Variants in TMEM156 observed in about 807,000 individuals in gnomAD.
TMEM156 encodes the protein transmembrane protein 156.
In TMEM156, 28 loss-of-function variants were observed where a neutral mutation model predicts 30.5. That is an observed-to-expected ratio of 0.92 (90% confidence interval 0.68 to 1.26). The LOEUF is 1.26. TMEM156 is among the 50% of genes most tolerant of loss of function. The probability of loss-of-function intolerance (pLI) is 0.00; values close to 1 mark genes in which losing one functional copy is unlikely to be tolerated. For missense variants in TMEM156, 351 were observed against 340.6 expected, an observed-to-expected ratio of 1.03 and a Z score of -0.24; for synonymous variants, 137 against 119.9, an observed-to-expected ratio of 1.14 and a Z score of -0.93.
At chr4:39,004,465 C>A (rs1713591075) in intron 1 of TMEM156, among the ~76,000 whole-genome samples, 1 of 152,066 alleles carries the variant, frequency 6.6e-6, no homozygotes, top group Non-Finnish European at 1.5e-5. Flanking sequence ...ATGTACCTAT[C>A]ACCCAGATTA....
chr4:39,003,049 AAAATG>A (rs1302503399), intron 1 of TMEM156, among the ~76,000 whole-genome samples: 2 of 152,150 alleles, frequency 1.3e-5, no homozygotes, highest in South Asian at 2.1e-4. Flanking sequence ...AAAAATTTAA[AAAATG>A]AAATAAAATA....
chr4:39,017,174 T>C (rs889241842), intron 1 of TMEM156, among the ~76,000 whole-genome samples: 30 of 125,838 alleles, frequency 2.4e-4, no homozygotes, highest in Admixed American at 3.9e-4. Flanking sequence ...ATTTCTTCTT[T>C]TTTTTTTTTT....
intron 5 of TMEM156, among the ~76,000 whole-genome samples, chr4:38,976,059 G>A (rs1449184211): frequency 6.6e-6 from 1 of 151,888 alleles, no homozygotes; most frequent in African/African-American, 2.4e-5. Flanking sequence ...GGCCAAGGCG[G>A]GAGGATCACC....
intron 1 of TMEM156, among the ~76,000 whole-genome samples, chr4:39,030,580 T>C (rs1468902615): frequency 6.6e-6 from 1 of 152,202 alleles, no homozygotes; most frequent in African/African-American, 2.4e-5. Flanking sequence ...AAGAACTACA[T>C]GTCTGCCCCA....
chr4:38,984,509 T>A (rs551961988), intron 5 of TMEM156, among the ~76,000 whole-genome samples: 63 of 152,216 alleles, frequency 4.1e-4, no homozygotes, highest in Admixed American at 1.6e-3. Context: ...ACTACATTTT[T>A]TTTTTCTACC....
intron 1 of TMEM156, among the ~76,000 whole-genome samples, chr4:39,030,076 G>A (rs1715428244): frequency 6.6e-6 from 1 of 151,796 alleles, no homozygotes; most frequent in African/African-American, 2.4e-5. Flanking sequence ...ATCCACCTGA[G>A]TGTGGTGGTA....
In TMEM156 at chr4:38,992,751, T is replaced by TATA. The variant is rs1371433130; in HGVS notation, c.619+984_619+986dup. ...TATATATATAATATATAATATATTA[T>TATA]ATATATATATATTTTTTTTTGTCTT... On this transcript the variant is annotated intron_variant, in intron 3 of 6. Coordinates refer to ENST00000381938, the MANE Select transcript of TMEM156 (RefSeq NM_024943.3). Among the ~76,000 whole-genome samples, 44 of 58,712 alleles carry TATA rather than the reference T, an allele frequency of 7.5e-4. 1 individual carries two copies. Among genetic ancestry groups the TATA allele is most frequent in the African/African-American group, 2.6e-3 (43 of 16,414 alleles). The allele number at this position is 58,712 out of a possible 152,430, so 38.5% of individuals were successfully genotyped here. A position where few individuals can be genotyped will look rare whatever the true frequency, so the allele number is the denominator to read the frequency against.
At chr4:39,017,387 G>C (rs1002195640) in intron 1 of TMEM156, among the ~76,000 whole-genome samples, 1 of 151,630 alleles carries the variant, frequency 6.6e-6, no homozygotes, top group African/African-American at 2.4e-5. Flanking sequence ...CATCGTGTTG[G>C]CCAGGATGGT....
chr4:39,018,743 G>C (rs574029311), intron 1 of TMEM156, among the ~76,000 whole-genome samples: 1 of 152,028 alleles, frequency 6.6e-6, no homozygotes, highest in Admixed American at 6.6e-5. Flanking sequence ...TCTCTTGGCC[G>C]GGCACGATGG....
At chr4:38,991,000 A>AT (rs1712414518) in intron 3 of TMEM156, among the ~76,000 whole-genome samples, 1 of 149,996 alleles carries the variant, frequency 6.7e-6, no homozygotes, top group Non-Finnish European at 1.5e-5. Flanking sequence ...TGCCCGGCTA[A>AT]TTTTTTGTAT....
At chr4:39,001,634 A>G (rs62294553) in intron 1 of TMEM156, among the ~76,000 whole-genome samples, 19,378 of 150,774 alleles carry the variant, frequency 0.13, 1,267 homozygotes, top group East Asian at 0.2. Flanking sequence ...TTCAAACTAT[A>G]CTACAAGGCT....
At position 38,974,874 on chromosome 4, in the gene TMEM156, T is replaced by A. The variant is rs368512624; in HGVS notation, c.824-3737A>T. On this transcript the variant is annotated intron_variant, in intron 5 of 6. Coordinates refer to ENST00000381938, the MANE Select transcript of TMEM156 (RefSeq NM_024943.3). Reference sequence around the variant, plus strand: ...TTTTAGTAAAGACAGGGTTTCACCATGTTGGCCAGGCTAGTCTCAAACTCC... The same window carrying A: ...TTTTAGTAAAGACAGGGTTTCACCAAGTTGGCCAGGCTAGTCTCAAACTCC... Among the ~76,000 whole-genome samples, 381 of 152,128 alleles carry A rather than the reference T, an allele frequency of 2.5e-3. 3 individuals carry two copies. The Middle Eastern group carries it at 0.037, about 15-fold the overall frequency.
At chr4:39,000,653 G>A (rs1488612509) in intron 1 of TMEM156, among the ~76,000 whole-genome samples, 15 of 152,168 alleles carry the variant, frequency 9.9e-5, no homozygotes, top group Non-Finnish European at 1.9e-4. Context: ...TTGGGAGGCT[G>A]AGGCAGTTGG....
rs1560372106 is a variant in TMEM156, at chr4:38,999,117, T to TTTA, written c.89-209_89-208insTAA. Reference sequence around the variant, plus strand: ...CATTATTTTTATTTATTTATTTTTTTTTTTTTTTTTTTTTTTTGAGACTGG... The same window carrying TTTA: ...CATTATTTTTATTTATTTATTTTTTTTTATTTTTTTTTTTTTTTTTGAGACTGG... On this transcript the variant is annotated intron_variant, in intron 1 of 6. Transcript: ENST00000381938. Among the ~76,000 whole-genome samples the TTTA allele has an allele frequency of 1.7e-3, 120 of 69,804 alleles. 1 individual carries two copies. The highest frequency in any genetic ancestry group is 4.9e-3 in the African/African-American group (110 of 22,544). 45.8% of individuals were successfully genotyped at this position (69,804 alleles called of 152,430 possible). A position where few individuals can be genotyped will look rare whatever the true frequency, so the allele number is the denominator to read the frequency against.
chr4:38,998,471 G>T, intron 2 of TMEM156, 169 bp downstream of exon 2: 1 of 417,382 alleles, frequency 2.4e-6, no homozygotes. Context: ...TTGAACCTGG[G>T]AGGTGGAGGT....
intron 3 of TMEM156, among the ~76,000 whole-genome samples, chr4:38,992,292 A>G (rs1350003721): frequency 1.3e-5 from 2 of 151,948 alleles, no homozygotes; most frequent in African/African-American, 4.8e-5. Flanking sequence ...ATCTAACTTC[A>G]TGACCCCAAC....
intron 1 of TMEM156, among the ~76,000 whole-genome samples, chr4:39,026,351 T>A (rs1324571279): frequency 1.7e-5 from 2 of 114,646 alleles, no homozygotes; most frequent in Non-Finnish European, 3.5e-5. Context: ...CTGTCTCTCT[T>A]AAAAAATTTT....
At chr4:39,003,418 T>A (rs1713516182) in intron 1 of TMEM156, among the ~76,000 whole-genome samples, 1 of 152,130 alleles carries the variant, frequency 6.6e-6, no homozygotes, top group South Asian at 2.1e-4. Context: ...CACTGCAACC[T>A]CTTCCTCCTG....
chr4:39,031,659 G>A (rs1715508590), intron 1 of TMEM156, among the ~76,000 whole-genome samples: 1 of 152,028 alleles, frequency 6.6e-6, no homozygotes, highest in South Asian at 2.1e-4. Context: ...GCCGAGGTGG[G>A]TGGATCACAA....
Sources: allele counts gnomAD v4.1 joint callset (sites outside exome capture counted in the v4.1 genomes callset), GRCh38; gene constraint gnomAD v4.1.1; transcripts MANE v1.5; gene names NCBI Gene and HGNC (gene_info 2026-07-23, HGNC 2026-07-21).